LAMA4: variants seen among roughly 807,000 people sequenced by gnomAD.
LAMA4 encodes laminin subunit alpha 4.
LAMA4 carries 127 observed loss-of-function variants against 207.1 expected under a neutral mutation model. The ratio of observed to expected loss-of-function variants is 0.61; its 90% CI spans 0.53 to 0.71. The LOEUF (loss-of-function observed/expected upper bound fraction) is 0.71. Ranked by LOEUF, LAMA4 falls within the 30% of genes least tolerant of loss-of-function variation. LAMA4 has a pLI of 0.00. For synonymous variants in LAMA4, 761 were observed against 816.0 expected (o/e 0.93, Z 1.15); for missense variants, 2,093 against 2,246.5 (o/e 0.93, Z 1.38).
At chr6:112,209,406 C>G (rs561098986) in intron 3 of LAMA4, among the ~76,000 whole-genome samples, 1 of 152,284 alleles carries the variant, frequency 6.6e-6, no homozygotes, top group South Asian at 2.1e-4. Flanking sequence ...GAAGCAGTGA[C>G]CCTCAAAAGC....
intron 32 of LAMA4, 200 bp downstream of exon 32, chr6:112,121,814 C>T (rs1264869089): frequency 1.8e-6 from 1 of 547,664 alleles, no homozygotes; most frequent in Middle Eastern, 5.1e-4. Flanking sequence ...GTTTTATGAA[C>T]CTTACAATTG....
chr6:112,155,057 C>T, intron 15 of LAMA4, 110 bp from the exon 16 acceptor site: 1 of 785,676 alleles, frequency 1.3e-6, no homozygotes, highest in Non-Finnish European at 2.3e-6. Context: ...AAGCAAAATG[C>T]ATTTAGCTTT....
chr6:112,240,189 C>G (rs1786298893), intron 2 of LAMA4, among the ~76,000 whole-genome samples: 1 of 152,298 alleles, frequency 6.6e-6, no homozygotes, highest in Middle Eastern at 3.4e-3. Flanking sequence ...TCCTGATTGA[C>G]ATACTCTGTC....
rs1268977606 is a variant in LAMA4, at chr6:112,129,943, C to T, written c.4066G>A (p.Gly1356Ser). The T allele has an allele frequency of 8.1e-6, 13 of 1,612,620 alleles. No homozygotes were observed. Among genetic ancestry groups the T allele is most frequent in the East Asian group, 2.2e-5 (1 of 44,830 alleles). ...TACTGAGCACTGATTGGTGAGCCAC[C>T]GAAGTAAAACTTCTTTTCACTTGCT... ...TQASEKKFYF[G>S]GSPISAQYAN... The change falls in exon 30 of 39, where the codon GGT becomes AGT. Residue 1356 changes from glycine to serine, a missense_variant. Gly to Ser is a moderately conservative substitution (Grantham distance 56, BLOSUM62 0). Transcript: ENST00000230538.
chr6:112,210,549 G>A (rs1464973262), intron 3 of LAMA4, among the ~76,000 whole-genome samples: 1 of 152,142 alleles, frequency 6.6e-6, no homozygotes, highest in African/African-American at 2.4e-5. Flanking sequence ...GTAGGAAGAA[G>A]GCTCAAAAGA....
rs1554320561 is a variant in LAMA4, at chr6:112,108,644, G to A, written c.*793C>T. On this transcript the variant is annotated 3_prime_UTR_variant, in exon 39 of 39. Transcript: ENST00000230538. Reference sequence around the variant, plus strand: ...GCTAGGAGCAAACTTTTAATAAAAGGACTTGTGTACTCTTAAATTGAATTT... The same window carrying A: ...GCTAGGAGCAAACTTTTAATAAAAGAACTTGTGTACTCTTAAATTGAATTT... The A allele has an allele frequency of 6.6e-6, 1 of 152,112 alleles. No homozygotes were observed. The highest frequency in any genetic ancestry group is 1.5e-5 in the Non-Finnish European group (1 of 68,050). The allele number at this position is 152,112 out of a possible 1,614,324, so 9.4% of individuals were successfully genotyped here. A position where few individuals can be genotyped will look rare whatever the true frequency, so the allele number is the denominator to read the frequency against.
At chr6:112,135,865 C>T (rs113903714) in intron 25 of LAMA4, 2 of 410,072 alleles carry the variant, frequency 4.9e-6, no homozygotes, top group Admixed American at 3.7e-5. Flanking sequence ...TTAATAGAAG[C>T]CTTCTGGTTA....
chr6:112,123,048 AT>A (rs1376067793), intron 31 of LAMA4, among the ~76,000 whole-genome samples: 1 of 152,170 alleles, frequency 6.6e-6, no homozygotes, highest in Non-Finnish European at 1.5e-5. Context: ...ATAATAGCAA[AT>A]TGGAAAACAG....
intron 6 of LAMA4, among the ~76,000 whole-genome samples, chr6:112,189,959 T>C (rs1175774966): frequency 2.0e-5 from 3 of 152,204 alleles, no homozygotes; most frequent in Non-Finnish European, 4.4e-5. Flanking sequence ...AGGAATTCTC[T>C]TACCATCTAT....
chr6:112,167,747 T>C (rs11961480), intron 12 of LAMA4, among the ~76,000 whole-genome samples: 67,512 of 151,740 alleles, frequency 0.44, 16,246 homozygotes, highest in Middle Eastern at 0.64. Flanking sequence ...TGCAAGTTAT[T>C]GTGTTTGGTG....
chr6:112,129,277 C>A (rs782400275), intron 30 of LAMA4, among the ~76,000 whole-genome samples: 2 of 152,006 alleles, frequency 1.3e-5, no homozygotes, highest in African/African-American at 4.8e-5. Context: ...CTGTTAATAA[C>A]TATGTGCCTG....
rs6568719 is a variant in LAMA4 at position 112,155,937 on chromosome 6, G to C, written c.1818-231C>G. Among the ~76,000 whole-genome samples the C allele has an allele frequency of 0.27, 41,086 of 152,122 alleles. 5,629 individuals are homozygous for C. Among genetic ancestry groups the C allele is most frequent in the East Asian group, 0.34 (1,741 of 5,170 alleles). On this transcript the variant is annotated intron_variant, in intron 14 of 38. Coordinates refer to ENST00000230538, the MANE Select transcript of LAMA4 (RefSeq NM_001105206.3). The stretch of plus-strand genomic sequence containing the variant: ...AGCTGCCTGTCTGGCAGTAGCAGCA[G>C]GAAAAGGGAATGACGATTTAAAAAC...
chr6:112,117,999 T>C lies in LAMA4; in HGVS notation c.4822-101A>G. 1 of 917,008 alleles carries C rather than the reference T, an allele frequency of 1.1e-6. No individual in the cohort carries two copies. The highest frequency in any genetic ancestry group is 1.8e-6 in the Non-Finnish European group (1 of 564,664). The allele number at this position is 917,008 out of a possible 1,614,324, so 56.8% of individuals were successfully genotyped here. On this transcript the variant is annotated intron_variant, in intron 34 of 38. Coordinates refer to ENST00000230538, the MANE Select transcript of LAMA4 (RefSeq NM_001105206.3). This position sits in a 1 kb window ranked among gnomAD's most constrained non-coding sequence, Gnocchi z 4.5. ...TGAGTCCTGAAGGAACCCACGTAAT[T>C]CCTTGTTTCATTTATTTCAGATATC...
chr6:112,227,276 G>T (rs1178474199), intron 2 of LAMA4, among the ~76,000 whole-genome samples: 1 of 151,864 alleles, frequency 6.6e-6, no homozygotes, highest in African/African-American at 2.4e-5. Flanking sequence ...TCACCATCTT[G>T]GCCAGGCTGG....
At chr6:112,140,136 A>G (rs1425328962) in intron 22 of LAMA4, among the ~76,000 whole-genome samples, 1 of 152,194 alleles carries the variant, frequency 6.6e-6, no homozygotes, top group Non-Finnish European at 1.5e-5. Flanking sequence ...CAGTGAATTC[A>G]TGACAAAAAT....
At chr6:112,146,061 T>C (rs1780009285) in intron 18 of LAMA4, among the ~76,000 whole-genome samples, 1 of 152,106 alleles carries the variant, frequency 6.6e-6, no homozygotes, top group Non-Finnish European at 1.5e-5. Flanking sequence ...AGGCCAAGGC[T>C]GGTGGATCAC....
Position 112,108,368 on chromosome 6 carries a change from G to A in LAMA4, c.*1069C>T, listed in dbSNP as rs1355547574. On this transcript the variant is annotated 3_prime_UTR_variant, in exon 39 of 39. Coordinates refer to ENST00000230538, the MANE Select transcript of LAMA4 (RefSeq NM_001105206.3). ...TATTAATGTAGCTACTTGGAAAAAA[G>A]ATTATAACATTTTAGAAATAAGACT... Among the ~76,000 whole-genome samples, 1 of 152,072 alleles carries A rather than the reference G, an allele frequency of 6.6e-6. No homozygotes were observed. The highest frequency in any genetic ancestry group is 1.5e-5 in the Non-Finnish European group (1 of 68,020).
chr6:112,128,910 A>G lies in LAMA4; in HGVS notation c.4287+12T>C. 6.2e-7 allele frequency: 1 copy of G among 1,611,448 alleles called. No homozygotes were observed. The highest frequency in any genetic ancestry group is 1.3e-5 in the African/African-American group (1 of 74,934). On this transcript the variant is annotated intron_variant, in intron 31 of 38. Transcript: ENST00000230538. ...ATGACAATTAGGAAGTCAGAACGGC[A>G]TTATCTTTTACCTTTTTATTCTGAC...
At chr6:112,155,284 C>T in intron 15 of LAMA4, 1 of 559,378 alleles carries the variant, frequency 1.8e-6, no homozygotes, top group Non-Finnish European at 3.2e-6. Flanking sequence ...TCTCTATCAG[C>T]AAGAACTAAT....
Sources: gnomAD v4.1 joint callset for allele counts (sites outside exome capture counted in the v4.1 genomes callset) on GRCh38, gnomAD v4.1.1 for gene constraint, Gnocchi (gnomAD v3.1) non-coding constraint, MANE v1.5 for transcripts, NCBI Gene and HGNC (gene_info 2026-07-23, HGNC 2026-07-21) for gene names.